Variants in DAB1 observed in about 807,000 individuals in gnomAD.
The protein encoded by DAB1 is disabled homolog 1.
A neutral mutation model predicts 64.6 loss-of-function variants in DAB1; 15 were observed. That is an observed-to-expected ratio of 0.23 (90% CI 0.16 to 0.36). DAB1 has a LOEUF of 0.36. Ranked by LOEUF, DAB1 falls within the 10% of genes least tolerant of loss-of-function variation. DAB1 has a pLI of 1.00. For missense variants in DAB1, 596 were observed against 706.7 expected, an observed-to-expected ratio of 0.84 and a Z score of 1.78; for synonymous variants, 235 against 251.9, an observed-to-expected ratio of 0.93 and a Z score of 0.64.
At chr1:57,441,666 C>G (rs2101134938) in intron 7 of DAB1, among the ~76,000 whole-genome samples, 1 of 152,236 alleles carries the variant, frequency 6.6e-6, no homozygotes, top group South Asian at 2.1e-4. Flanking sequence ...CATCTATTTT[C>G]TTTATCCAGT....
At chr1:57,155,799 A>G (rs2100863082) in intron 2 of DAB1, among the ~76,000 whole-genome samples, 1 of 128,466 alleles carries the variant, frequency 7.8e-6, no homozygotes, top group South Asian at 2.5e-4. Context: ...ATTTTATTAG[A>G]TTGCCTTTAT....
chr1:57,311,136 C>A (rs114058401), intron 1 of DAB1, among the ~76,000 whole-genome samples: 1 of 152,128 alleles, frequency 6.6e-6, no homozygotes, highest in Non-Finnish European at 1.5e-5. Context: ...CCCAAGAAAA[C>A]GACAGCTGTT....
chr1:58,450,409 T>C (rs1645119450), intron 3 of DAB1, among the ~76,000 whole-genome samples: 1 of 152,168 alleles, frequency 6.6e-6, no homozygotes, highest in South Asian at 2.1e-4. Context: ...GCTCAATTTC[T>C]TTCCCCCCAA....
At chr1:58,353,393 C>G (rs1260225474) in intron 3 of DAB1, among the ~76,000 whole-genome samples, 1 of 152,126 alleles carries the variant, frequency 6.6e-6, no homozygotes, top group South Asian at 2.1e-4. Context: ...TTCCCTTAGG[C>G]CTTCTGATAT....
At chr1:57,159,355 G>A (rs1291532304) in intron 2 of DAB1, among the ~76,000 whole-genome samples, 1 of 152,122 alleles carries the variant, frequency 6.6e-6, no homozygotes, top group Non-Finnish European at 1.5e-5. Flanking sequence ...TAGTTTCTCT[G>A]AGGAAAAGAC....
At chr1:57,429,730 T>C (rs954452817) in intron 7 of DAB1, among the ~76,000 whole-genome samples, 4 of 152,188 alleles carry the variant, frequency 2.6e-5, no homozygotes, top group African/African-American at 7.2e-5. Context: ...CCCAACACCA[T>C]TTATTGAAAA....
intron 4 of DAB1, among the ~76,000 whole-genome samples, chr1:57,107,347 C>T (rs1324865519): frequency 6.7e-6 from 1 of 149,952 alleles, no homozygotes; most frequent in Non-Finnish European, 1.5e-5. Context: ...TGCACTCCAG[C>T]CTGGGTGACA....
intron 7 of DAB1, among the ~76,000 whole-genome samples, chr1:57,507,338 A>G (rs912567058): frequency 2.6e-5 from 4 of 152,200 alleles, no homozygotes; most frequent in Non-Finnish European, 5.9e-5. Context: ...TCTCTTTGCC[A>G]TAAAGGGTGA....
chr1:58,079,819 G>A (rs996477944), intron 5 of DAB1, among the ~76,000 whole-genome samples: 9 of 151,986 alleles, frequency 5.9e-5, no homozygotes, highest in Admixed American at 2.6e-4. Flanking sequence ...GCACCTGGCC[G>A]AGCATACCAT....
chr1:57,928,867 G>A (rs1441982725), intron 5 of DAB1, among the ~76,000 whole-genome samples: 2 of 152,174 alleles, frequency 1.3e-5, no homozygotes, highest in African/African-American at 4.8e-5. Context: ...AGGACATCTT[G>A]GTTGCAATTA....
At chr1:57,855,144 T>C (rs768518422) in intron 1 of DAB1, among the ~76,000 whole-genome samples, 4 of 152,144 alleles carry the variant, frequency 2.6e-5, no homozygotes, top group Non-Finnish European at 4.4e-5. Context: ...AGGACATCTA[T>C]GAGTGCACAG....
intron 4 of DAB1, among the ~76,000 whole-genome samples, chr1:58,334,605 T>G (rs768989714): frequency 5.6e-4 from 31 of 54,964 alleles, no homozygotes; most frequent in Non-Finnish European, 8.8e-4. Context: ...TTATATTACA[T>G]TATATTATAT....
chr1:58,127,253 T>C (rs1457369663), intron 5 of DAB1, among the ~76,000 whole-genome samples: 2 of 152,244 alleles, frequency 1.3e-5, no homozygotes, highest in Non-Finnish European at 2.9e-5. Context: ...TGCATAAATG[T>C]CTTCTTTTGA....
chr1:57,531,473 C>T lies in DAB1; in HGVS notation n.625+118119G>A, dbSNP rs143129533. On this transcript the variant is annotated intron_variant and non_coding_transcript_variant, in intron 7 of 20. Coordinates refer to the DAB1 transcript ENST00000485760. ...CTGTTTGGTGGTCTCTTCACAGGGACACACATGACAACCAGGACTAGGCAA... is the reference window on the plus strand; with the variant it reads ...CTGTTTGGTGGTCTCTTCACAGGGATACACATGACAACCAGGACTAGGCAA... Among the ~76,000 whole-genome samples, 1,188 of 152,228 alleles carry T rather than the reference C, an allele frequency of 7.8e-3. 9 individuals carry two copies. Among genetic ancestry groups the T allele is most frequent in the Non-Finnish European group, 0.013 (873 of 68,024 alleles).
At chr1:58,318,896 TG>T (rs1405839886) in intron 4 of DAB1, among the ~76,000 whole-genome samples, 1 of 152,224 alleles carries the variant, frequency 6.6e-6, no homozygotes, top group Admixed American at 6.5e-5. Flanking sequence ...AACAGACATT[TG>T]GCATCTTTCC....
chr1:57,864,151 C>T (rs1402530980), intron 1 of DAB1, among the ~76,000 whole-genome samples: 1 of 152,154 alleles, frequency 6.6e-6, no homozygotes, highest in Non-Finnish European at 1.5e-5. Context: ...CTCTGAAGAG[C>T]AATTTGAGTA....
intron 1 of DAB1, among the ~76,000 whole-genome samples, chr1:57,361,747 A>T (rs189483142): frequency 6.6e-6 from 1 of 152,298 alleles, no homozygotes; most frequent in East Asian, 1.9e-4. Context: ...GATTTCTGGC[A>T]TGAGCAGACT....
At chr1:57,467,933 T>C (rs1386078343) in intron 7 of DAB1, among the ~76,000 whole-genome samples, 1 of 152,194 alleles carries the variant, frequency 6.6e-6, no homozygotes, top group Non-Finnish European at 1.5e-5. Flanking sequence ...TTTATTGAGT[T>C]CCCACTATTT....
intron 4 of DAB1, among the ~76,000 whole-genome samples, chr1:58,169,667 G>A (rs1656053984): frequency 6.6e-6 from 1 of 152,144 alleles, no homozygotes; most frequent in Admixed American, 6.5e-5. Context: ...TGCAAAGCTT[G>A]CAATTTACAC....
Sources: gnomAD v4.1 joint callset for allele counts (sites outside exome capture counted in the v4.1 genomes callset) on GRCh38, gnomAD v4.1.1 for gene constraint, MANE v1.5 for transcripts, NCBI Gene and HGNC (gene_info 2026-07-23, HGNC 2026-07-21) for gene names.